RARB: variants seen among roughly 807,000 people sequenced by gnomAD.
RARB encodes HBV-activated protein.
Under a neutral mutation model 51.9 loss-of-function variants are expected in RARB, and 17 were observed. The observed-to-expected ratio is 0.33, with a 90% confidence interval of 0.22 to 0.49. RARB has a LOEUF of 0.49. RARB is among the 20% of genes least tolerant of loss of function. RARB has a pLI of 0.99. For missense variants in RARB, 369 were observed against 550.8 expected (o/e 0.67, Z 3.30); for synonymous variants, 215 against 195.4 (o/e 1.10, Z -0.84).
At chr3:25,247,227 T>C (rs1414124723) in intron 5 of RARB, among the ~76,000 whole-genome samples, 6 of 152,196 alleles carry the variant, frequency 3.9e-5, no homozygotes, top group Non-Finnish European at 7.3e-5. Context: ...CAGCAAGATA[T>C]TCAAGCCAGT....
intron 5 of RARB, among the ~76,000 whole-genome samples, chr3:25,402,657 T>A (rs9876246): frequency 0.67 from 102,331 of 152,024 alleles, 34,693 homozygotes; most frequent in East Asian, 0.83. Flanking sequence ...TTGCAACAAC[T>A]TGGGTGGAAC....
chr3:25,097,431 G>T (rs1229488036), intron 3 of RARB, among the ~76,000 whole-genome samples: 1 of 152,124 alleles, frequency 6.6e-6, no homozygotes, highest in Non-Finnish European at 1.5e-5. Flanking sequence ...CATCATGAGA[G>T]GGGAAGGAAA....
intron 5 of RARB, among the ~76,000 whole-genome samples, chr3:25,259,553 G>C (rs1159405618): frequency 6.6e-6 from 1 of 152,120 alleles, no homozygotes; most frequent in Non-Finnish European, 1.5e-5. Flanking sequence ...GCCTACAGCA[G>C]AGCATTGCAG....
intron 2 of RARB, among the ~76,000 whole-genome samples, chr3:25,029,874 A>G (rs924029940): frequency 5.3e-5 from 8 of 152,224 alleles, no homozygotes; most frequent in South Asian, 4.1e-4. Flanking sequence ...TTTAGCTTTC[A>G]TAGAACACTG....
At chr3:24,982,268 C>T (rs948522450) in intron 2 of RARB, among the ~76,000 whole-genome samples, 1 of 152,304 alleles carries the variant, frequency 6.6e-6, no homozygotes, top group East Asian at 1.9e-4. Flanking sequence ...AACTCTGAAC[C>T]AGGTGGGCTA....
intron 2 of RARB, among the ~76,000 whole-genome samples, chr3:24,948,469 T>C (rs1244993893): frequency 6.6e-6 from 1 of 152,200 alleles, no homozygotes; most frequent in Non-Finnish European, 1.5e-5. Flanking sequence ...TCTATCAAGT[T>C]CCTTTCTTTT....
intron 5 of RARB, among the ~76,000 whole-genome samples, chr3:25,201,425 C>T (rs1337365581): frequency 6.6e-6 from 1 of 152,036 alleles, no homozygotes; most frequent in Non-Finnish European, 1.5e-5. Flanking sequence ...CCTTTATTTC[C>T]TTCTCCTGCC....
chr3:25,427,915 A>C (rs1708042405), upstream of RARB, among the ~76,000 whole-genome samples: 1 of 152,208 alleles, frequency 6.6e-6, no homozygotes, highest in South Asian at 2.1e-4. Context: ...CGCAGGCGGA[A>C]CACCGTTTTC....
chr3:24,863,929 C>T (rs1301126201), intron 2 of RARB, among the ~76,000 whole-genome samples: 1 of 151,994 alleles, frequency 6.6e-6, no homozygotes, highest in African/African-American at 2.4e-5. Flanking sequence ...GTTCAAGGCC[C>T]GCCCCTCCCT....
chr3:25,493,169 G>A (rs562570969), intron 2 of RARB, among the ~76,000 whole-genome samples: 4 of 151,988 alleles, frequency 2.6e-5, no homozygotes, highest in South Asian at 2.1e-4. Flanking sequence ...CTGCCTAGAA[G>A]GAAACTCACT....
intron 3 of RARB, among the ~76,000 whole-genome samples, chr3:25,122,077 G>A (rs141485873): frequency 6.6e-6 from 1 of 152,136 alleles, no homozygotes; most frequent in Non-Finnish European, 1.5e-5. Context: ...AATGTTAATT[G>A]TTCCAACACA....
chr3:25,306,968 C>G (rs17580540), intron 5 of RARB, among the ~76,000 whole-genome samples: 6,898 of 152,154 alleles, frequency 0.045, 161 homozygotes, highest in Non-Finnish European at 0.051. Context: ...ATTAAGCTCC[C>G]CACGCTAAGA....
chr3:25,155,244 G>T (rs1700355550), intron 4 of RARB, among the ~76,000 whole-genome samples: 1 of 151,714 alleles, frequency 6.6e-6, no homozygotes, highest in Non-Finnish European at 1.5e-5. Flanking sequence ...CTGCTTTCCT[G>T]CCATGAAAGT....
At chr3:25,417,198 T>TAA (rs35119404) in intron 5 of RARB, among the ~76,000 whole-genome samples, 15,964 of 141,486 alleles carry the variant, frequency 0.11, 913 homozygotes, top group Admixed American at 0.17. Flanking sequence ...AAAAACCAAT[T>TAA]AAAAAAAAAA....
At chr3:25,203,260 C>CT (rs1471622620) in intron 5 of RARB, among the ~76,000 whole-genome samples, 2 of 151,946 alleles carry the variant, frequency 1.3e-5, no homozygotes, top group African/African-American at 2.4e-5. Context: ...CAACCCCTGC[C>CT]TTTTTTTGTT....
intron 1 of RARB, among the ~76,000 whole-genome samples, chr3:25,440,290 A>C (rs1490077544): frequency 2.0e-5 from 3 of 151,862 alleles, no homozygotes; most frequent in Admixed American, 6.6e-5. Flanking sequence ...TGTCTCTACA[A>C]AAAGAATTAT....
chr3:25,241,263 C>A (rs1235470726), intron 5 of RARB, among the ~76,000 whole-genome samples: 1 of 152,082 alleles, frequency 6.6e-6, no homozygotes, highest in African/African-American at 2.4e-5. Context: ...GTGGTCTGAG[C>A]AGATACTTGT....
intron 2 of RARB, among the ~76,000 whole-genome samples, chr3:24,899,115 A>C (rs1462110268): frequency 6.6e-6 from 1 of 152,186 alleles, no homozygotes; most frequent in Non-Finnish European, 1.5e-5. Flanking sequence ...GGGACCAGTG[A>C]CTTAATTTTC....
exon 5 of RARB, chr3:25,174,182 G>A (rs1391176179): frequency 1.2e-5 from 3 of 253,736 alleles, no homozygotes; most frequent in African/African-American, 6.6e-5. Context: ...GAAGCTGAAC[G>A]ACGAAAGCAT....
Sources: allele counts gnomAD v4.1 joint callset (sites outside exome capture counted in the v4.1 genomes callset), GRCh38; gene constraint gnomAD v4.1.1; transcripts MANE v1.5; gene names NCBI Gene and HGNC (gene_info 2026-07-23, HGNC 2026-07-21).